MED13L: variants seen among roughly 807,000 people sequenced by gnomAD.
MED13L encodes the protein mediator complex subunit 13L.
MED13L carries 7 observed loss-of-function variants against 220.9 expected under a neutral mutation model. The observed-to-expected ratio is 0.03, with a 90% CI of 0.02 to 0.06. MED13L has a LOEUF of 0.06. Among genes scored for constraint, MED13L ranks in the 10% least tolerant of loss-of-function variants. The pLI is 1.00. For synonymous variants in MED13L, 1,011 were observed against 1,015.2 expected (o/e 1.00, Z 0.08); for missense variants, 1,965 against 2,760.5 (o/e 0.71, Z 6.46).
intron 1 of MED13L, among the ~76,000 whole-genome samples, chr12:116,244,689 G>A (rs955394939): frequency 4.6e-5 from 7 of 152,206 alleles, no homozygotes; most frequent in Non-Finnish European, 8.8e-5. Flanking sequence ...AGTGGCTCAC[G>A]CCTGTAATTC....
chr12:116,253,950 G>A (rs887282792), intron 1 of MED13L, among the ~76,000 whole-genome samples: 10 of 151,572 alleles, frequency 6.6e-5, no homozygotes, highest in African/African-American at 1.7e-4. Flanking sequence ...TAGTAGAGAC[G>A]GGGTTTCGCC....
chr12:116,015,039 G>T, intron 8 of MED13L, 70 bp downstream of exon 8: 1 of 1,481,868 alleles, frequency 6.7e-7, no homozygotes, highest in Non-Finnish European at 9.4e-7. Flanking sequence ...CAATGTGATT[G>T]ACATTTTCCA....
intron 17 of MED13L, 78 bp downstream of exon 17, chr12:115,990,942 A>G: frequency 6.7e-7 from 1 of 1,500,394 alleles, no homozygotes; most frequent in Admixed American, 1.8e-5. Flanking sequence ...TTTTTTGTCA[A>G]ATACAGTAAA....
chr12:116,071,151 T>C (rs1445513957), intron 4 of MED13L, among the ~76,000 whole-genome samples: 1 of 152,164 alleles, frequency 6.6e-6, no homozygotes, highest in Non-Finnish European at 1.5e-5. Flanking sequence ...AAGTAATAAA[T>C]GTTCATTGAA....
rs995757031 is a variant in MED13L at position 116,165,343 on chromosome 12, A to T, written c.311-53831T>A. On this transcript the variant is annotated intron_variant, in intron 2 of 30. Coordinates refer to ENST00000281928, the MANE Select transcript of MED13L (RefSeq NM_015335.5). ...CCTATGTCCACTTTTTTGTTTGTTT[A>T]TTTTTGAGACGGAGTCTCACTCTGT... 5.8e-4 allele frequency among the ~76,000 whole-genome samples: 42 copies of T among 71,934 alleles called. 1 individual carries two copies. The highest frequency in any genetic ancestry group is 2.2e-3 in the African/African-American group (41 of 18,838). 47.2% of individuals were successfully genotyped at this position (71,934 alleles called of 152,430 possible).
intron 25 of MED13L, among the ~76,000 whole-genome samples, chr12:115,974,025 C>G (rs1006439401): frequency 4.0e-5 from 6 of 151,708 alleles, no homozygotes; most frequent in Admixed American, 3.9e-4. Flanking sequence ...CTACAAATAC[C>G]TGATGTGAAT....
chr12:116,142,602 C>A (rs939904239), intron 2 of MED13L, among the ~76,000 whole-genome samples: 35 of 152,046 alleles, frequency 2.3e-4, no homozygotes, highest in Admixed American at 2.3e-3. Flanking sequence ...GCAGGAGAAT[C>A]GCTTGAACCG....
rs867005235 is a variant in MED13L at position 116,119,823 on chromosome 12, A to T, written c.311-8311T>A. The stretch of plus-strand genomic sequence containing the variant: ...CCCCATATCTTTAAAAAAAAAAAAA[A>T]AAAAAAAAAAAAAAAATATATATAT... On this transcript the variant is annotated intron_variant, in intron 2 of 30. Transcript: ENST00000281928. Among the ~76,000 whole-genome samples the T allele has an allele frequency of 5.5e-4, 58 of 104,762 alleles. 1 individual carries two copies. Among genetic ancestry groups the T allele is most frequent in the Middle Eastern group, 4.8e-3 (1 of 210 alleles). The allele number at this position is 104,762 out of a possible 152,430, so 68.7% of individuals were successfully genotyped here. A position where few individuals can be genotyped will look rare whatever the true frequency, so the allele number is the denominator to read the frequency against.
rs187267197 is a variant in MED13L at position 116,009,399 on chromosome 12, C to T, written c.1281-267G>A. On this transcript the variant is annotated intron_variant, in intron 9 of 30. Coordinates refer to ENST00000281928, the MANE Select transcript of MED13L (RefSeq NM_015335.5). ...CCTACAAATCACTGATTCAAAAAAACCCAAATCTTTTAGATTTGGTGAGGG... is the reference window on the plus strand; with the variant it reads ...CCTACAAATCACTGATTCAAAAAAATCCAAATCTTTTAGATTTGGTGAGGG... Among the ~76,000 whole-genome samples, 3 of 152,096 alleles carry T rather than the reference C, an allele frequency of 2.0e-5. No individual in the cohort carries two copies. In the East Asian group the frequency reaches 5.8e-4, roughly 29 times the overall value.
intron 2 of MED13L, among the ~76,000 whole-genome samples, chr12:116,119,809 T>TAAAAAAAAAAAA (rs57622950): frequency 2.6e-5 from 1 of 38,788 alleles, no homozygotes; most frequent in Non-Finnish European, 4.4e-5. Flanking sequence ...CCCATATCTT[T>TAAAAAAAAAAAA]AAAAAAAAAA....
intron 2 of MED13L, among the ~76,000 whole-genome samples, chr12:116,206,130 G>C (rs1014434851): frequency 2.8e-5 from 4 of 143,374 alleles, no homozygotes; most frequent in African/African-American, 1.1e-4. Context: ...ACCCAGGCTG[G>C]AGTACAGTGG....
At position 115,975,745 on chromosome 12, in the gene MED13L, T is replaced by C; in HGVS notation, c.5365-7A>G. On this transcript the variant is annotated splice_polypyrimidine_tract_variant and splice_region_variant and intron_variant, in intron 23 of 30. Transcript: ENST00000281928. ...GCTGGATTGGGCTGGGCCGCTGAAA[T>C]CAAAACCAAAATCAATATCAGTACA... 6.2e-7 allele frequency: 1 copy of C among 1,611,720 alleles called. No homozygotes were observed. Among genetic ancestry groups the C allele is most frequent in the Non-Finnish European group, 8.5e-7 (1 of 1,178,520 alleles).
At chr12:115,989,155 A>C (rs1019578885) in intron 17 of MED13L, among the ~76,000 whole-genome samples, 4 of 152,200 alleles carry the variant, frequency 2.6e-5, no homozygotes, top group Non-Finnish European at 5.9e-5. Flanking sequence ...AAGCTTATAT[A>C]ACTTTCTTCC....
At chr12:115,982,171 T>A (rs1229293222) in intron 22 of MED13L, 2 of 571,580 alleles carry the variant, frequency 3.5e-6, no homozygotes, top group Admixed American at 6.1e-5. Flanking sequence ...ATAAATTTTA[T>A]GTTTAGACTT....
At chr12:116,108,390 A>AGGGGGG (rs35576412) in intron 3 of MED13L, among the ~76,000 whole-genome samples, 1 of 41,250 alleles carries the variant, frequency 2.4e-5, no homozygotes, top group Non-Finnish European at 4.4e-5. Flanking sequence ...TTTAAAAGAA[A>AGGGGGG]GGGGGGGGGG....
At chr12:116,273,857 C>A (rs993307163) in intron 1 of MED13L, among the ~76,000 whole-genome samples, 1 of 152,190 alleles carries the variant, frequency 6.6e-6, no homozygotes, top group Non-Finnish European at 1.5e-5. Flanking sequence ...AAATAAATGT[C>A]TACTTAACAT....
chr12:116,176,271 T>C (rs1393015473), intron 2 of MED13L, among the ~76,000 whole-genome samples: 1 of 152,180 alleles, frequency 6.6e-6, no homozygotes, highest in Non-Finnish European at 1.5e-5. Flanking sequence ...CTTTATACTG[T>C]TGTTGAATTA....
intron 3 of MED13L, among the ~76,000 whole-genome samples, chr12:116,110,728 A>G (rs761379398): frequency 6.6e-6 from 1 of 152,186 alleles, no homozygotes; most frequent in Non-Finnish European, 1.5e-5. Context: ...AACATCACTA[A>G]TAATGGGACA....
intron 2 of MED13L, among the ~76,000 whole-genome samples, chr12:116,163,081 T>C (rs1879003879): frequency 6.6e-6 from 1 of 152,136 alleles, no homozygotes; most frequent in Non-Finnish European, 1.5e-5. Context: ...TATTTCAGAA[T>C]TTTTTATGAC....
Sources: gnomAD v4.1 joint callset for allele counts (sites outside exome capture counted in the v4.1 genomes callset) on GRCh38, gnomAD v4.1.1 for gene constraint, MANE v1.5 for transcripts, NCBI Gene and HGNC (gene_info 2026-07-23, HGNC 2026-07-21) for gene names.